The following PRKACB variants were observed in gnomAD, a reference collection of about 807,000 sequenced individuals.
The protein encoded by PRKACB is cAMP-dependent protein kinase catalytic subunit beta.
A neutral mutation model predicts 51.4 loss-of-function variants in PRKACB; 16 were observed. That is an observed-to-expected ratio of 0.31 (90% confidence interval 0.21 to 0.47). The LOEUF (loss-of-function observed/expected upper bound fraction) is 0.47, where lower values mean the gene tolerates loss of function less well. Among genes scored for constraint, PRKACB ranks in the 20% least tolerant of loss-of-function variants. The pLI is 1.00. For synonymous variants in PRKACB, 147 were observed against 154.4 expected (o/e 0.95, Z 0.35); for missense variants, 309 against 464.5 (o/e 0.67, Z 3.08).
At chr1:84,230,609 G>C (rs1675468530) in intron 9 of PRKACB, among the ~76,000 whole-genome samples, 1 of 151,460 alleles carries the variant, frequency 6.6e-6, no homozygotes, top group Non-Finnish European at 1.5e-5. Context: ...TTATTTCCTT[G>C]AGCAGTGGTT....
chr1:84,097,353 G>A (rs1247152639), intron 1 of PRKACB, among the ~76,000 whole-genome samples: 1 of 151,914 alleles, frequency 6.6e-6, no homozygotes, highest in Non-Finnish European at 1.5e-5. Flanking sequence ...GTTTTCGAAA[G>A]AGGTTATACC....
At chr1:84,169,051 A>G (rs181802475) in intron 1 of PRKACB, among the ~76,000 whole-genome samples, 10 of 151,792 alleles carry the variant, frequency 6.6e-5, no homozygotes, top group Non-Finnish European at 1.3e-4. Context: ...GAGAAGGGCC[A>G]AAGAAAAACC....
At chr1:84,190,026 T>C (rs766273306) in intron 5 of PRKACB, among the ~76,000 whole-genome samples, 6 of 151,964 alleles carry the variant, frequency 3.9e-5, no homozygotes, top group Admixed American at 6.6e-5. Flanking sequence ...CTTAATCTTA[T>C]AATTTTTCTT....
At chr1:84,214,799 C>T (rs1326715865) in intron 9 of PRKACB, among the ~76,000 whole-genome samples, 1 of 152,046 alleles carries the variant, frequency 6.6e-6, no homozygotes, top group Non-Finnish European at 1.5e-5. Context: ...CTGGCCTTAC[C>T]TAGCTTAAAA....
At chr1:84,102,523 A>T (rs1468754427) in intron 1 of PRKACB, among the ~76,000 whole-genome samples, 1 of 152,230 alleles carries the variant, frequency 6.6e-6, no homozygotes, top group East Asian at 1.9e-4. Flanking sequence ...GGCCCAAGGT[A>T]GAGAAAGCCC....
At chr1:84,136,292 C>G (rs1652800296) in intron 1 of PRKACB, among the ~76,000 whole-genome samples, 2 of 151,812 alleles carry the variant, frequency 1.3e-5, no homozygotes, top group African/African-American at 4.9e-5. Context: ...CAGATGAATT[C>G]ACTGGTGAAA....
At chr1:84,133,002 T>C (rs1652401165) in intron 1 of PRKACB, among the ~76,000 whole-genome samples, 1 of 152,004 alleles carries the variant, frequency 6.6e-6, no homozygotes, top group African/African-American at 2.4e-5. Flanking sequence ...ATGACAGACT[T>C]TAAAATATAG....
intron 1 of PRKACB, chr1:84,175,814 T>C (rs1220910225): frequency 1.3e-6 from 2 of 1,564,904 alleles, no homozygotes; most frequent in Non-Finnish European, 8.7e-7. Flanking sequence ...TTTGGTATGC[T>C]CATTTCCTTT....
chr1:84,122,778 GAT>G (rs1651193136), intron 1 of PRKACB, among the ~76,000 whole-genome samples: 1 of 152,078 alleles, frequency 6.6e-6, no homozygotes, highest in African/African-American at 2.4e-5. Context: ...AGGGAAAATG[GAT>G]ATTAGTTTCT....
intron 1 of PRKACB, among the ~76,000 whole-genome samples, chr1:84,115,054 T>C (rs1431410905): frequency 6.6e-6 from 1 of 152,178 alleles, no homozygotes; most frequent in Non-Finnish European, 1.5e-5. Flanking sequence ...AGATACTCAG[T>C]AGTGGGATTG....
At chr1:84,162,931 TTTTG>T (rs1331769510) in intron 1 of PRKACB, among the ~76,000 whole-genome samples, 1 of 151,976 alleles carries the variant, frequency 6.6e-6, no homozygotes, top group East Asian at 1.9e-4. Flanking sequence ...TGAGGGTTGG[TTTTG>T]TTTATTTTTT....
chr1:84,179,265 A>G, intron 2 of PRKACB, 27 bp downstream of exon 2: 4 of 1,530,376 alleles, frequency 2.6e-6, no homozygotes, highest in Non-Finnish European at 3.5e-6. Flanking sequence ...TTTTTCTAAA[A>G]TTAAAAATCT....
intron 2 of PRKACB, among the ~76,000 whole-genome samples, chr1:84,181,360 A>G (rs1310324612): frequency 1.3e-5 from 2 of 152,146 alleles, no homozygotes; most frequent in African/African-American, 4.8e-5. Flanking sequence ...TGGGTCAGCA[A>G]TTACTACTTC....
chr1:84,165,358 T>C (rs1657063756), intron 1 of PRKACB, among the ~76,000 whole-genome samples: 2 of 151,830 alleles, frequency 1.3e-5, no homozygotes, highest in African/African-American at 4.8e-5. Context: ...TGAAGATAAT[T>C]AGTTTAACTT....
At chr1:84,131,246 A>T (rs187441488) in intron 1 of PRKACB, among the ~76,000 whole-genome samples, 3 of 151,832 alleles carry the variant, frequency 2.0e-5, no homozygotes, top group African/African-American at 7.3e-5. Context: ...AATCCCAGCT[A>T]CTCAGGAGAA....
At chr1:84,215,662 T>C (rs1240102064) in intron 9 of PRKACB, among the ~76,000 whole-genome samples, 1 of 152,188 alleles carries the variant, frequency 6.6e-6, no homozygotes, top group Non-Finnish European at 1.5e-5. Context: ...TTGTTTTGTT[T>C]TGTTTTTTGC....
chr1:84,163,505 A>G (rs1266430125), intron 1 of PRKACB, among the ~76,000 whole-genome samples: 1 of 151,786 alleles, frequency 6.6e-6, no homozygotes, highest in African/African-American at 2.4e-5. Context: ...GCCCCCTCTC[A>G]TGTCAGCCCC....
chr1:84,139,018 A>G (rs1239620027), intron 1 of PRKACB, among the ~76,000 whole-genome samples: 4 of 152,292 alleles, frequency 2.6e-5, no homozygotes, highest in South Asian at 4.1e-4. Flanking sequence ...CCAGGAAAAA[A>G]AAAGGAAACT....
At chr1:84,112,035 A>G (rs1650271623) in intron 1 of PRKACB, among the ~76,000 whole-genome samples, 1 of 152,140 alleles carries the variant, frequency 6.6e-6, no homozygotes, top group African/African-American at 2.4e-5. Flanking sequence ...GAGTTTACTT[A>G]TTATATTAAT....
Sources: allele counts gnomAD v4.1 joint callset (sites outside exome capture counted in the v4.1 genomes callset), GRCh38; gene constraint gnomAD v4.1.1; transcripts MANE v1.5; gene names NCBI Gene and HGNC (gene_info 2026-07-23, HGNC 2026-07-21).